The following KRAS variants were observed in gnomAD, a reference collection of about 807,000 sequenced individuals.
KRAS encodes the protein KRas proto-oncogene, GTPase.
KRAS carries 1 observed loss-of-function variant against 21.0 expected under a neutral mutation model. That is an observed-to-expected ratio of 0.05 (90% CI 0.02 to 0.23). The LOEUF (loss-of-function observed/expected upper bound fraction) is 0.23, where lower values mean the gene tolerates loss of function less well. Among genes scored for constraint, KRAS ranks in the 10% least tolerant of loss-of-function variants. The pLI is 1.00. For synonymous variants in KRAS, 67 were observed against 72.5 expected (o/e 0.92, Z 0.39); for missense variants, 107 against 221.8 (o/e 0.48, Z 3.29).
intron 2 of KRAS, among the ~76,000 whole-genome samples, chr12:25,233,433 A>G (rs1951502126): frequency 6.6e-6 from 1 of 152,182 alleles, no homozygotes; most frequent in Admixed American, 6.5e-5. Context: ...GTGTACCTGT[A>G]GTCCCAGCTA....
At chr12:25,248,754 G>A (rs904689730) in intron 1 of KRAS, among the ~76,000 whole-genome samples, 3 of 151,948 alleles carry the variant, frequency 2.0e-5, no homozygotes, top group Admixed American at 2.0e-4. Context: ...AGCTAGTAAG[G>A]AGTGGACTGG....
Position 25,205,372 on chromosome 12 carries a change from A to AAAAG in KRAS, c.*4419_*4422dup, listed in dbSNP as rs1951124027. 4.7e-6 allele frequency: 1 copy of AAAAG among 215,044 alleles called. No individual in the cohort carries two copies. The highest frequency in any genetic ancestry group is 2.3e-5 in the African/African-American group (1 of 44,370). 13.3% of individuals were successfully genotyped at this position (215,044 alleles called of 1,614,324 possible). A position where few individuals can be genotyped will look rare whatever the true frequency, so the allele number is the denominator to read the frequency against. ...AAACATTTAAAAGTTAATTTCAATT[A>AAAAG]AAAGAGTGGTCATTTTTAATGTTTG... is the stretch of plus-strand genomic sequence containing the variant. On this transcript the variant is annotated 3_prime_UTR_variant, in exon 5 of 5. Coordinates refer to ENST00000311936, the MANE Select transcript of KRAS (RefSeq NM_004985.5).
Position 25,246,314 on chromosome 12 carries a change from T to A in KRAS, c.-11-919A>T, listed in dbSNP as rs558956030. Among the ~76,000 whole-genome samples, 50 of 152,292 alleles carry A rather than the reference T, an allele frequency of 3.3e-4. 1 individual carries two copies. Among genetic ancestry groups the A allele is most frequent in the African/African-American group, 1.2e-3 (48 of 41,566 alleles). ...GGCTCATGCCTGTAATCCCAGCACT[T>A]TCAGAGGCCAAGGCGGGTGGATCAC... On this transcript the variant is annotated intron_variant, in intron 1 of 4. Coordinates refer to ENST00000311936, the MANE Select transcript of KRAS (RefSeq NM_004985.5).
chr12:25,246,066 G>T (rs61925870), intron 1 of KRAS, among the ~76,000 whole-genome samples: 2,058 of 151,234 alleles, frequency 0.014, 22 homozygotes, highest in Non-Finnish European at 0.022. Context: ...AATATCTCTG[G>T]GGAAAATAGG....
chr12:25,225,483 G>A, intron 4 of KRAS, 131 bp downstream of exon 4: 1 of 963,338 alleles, frequency 1.0e-6, no homozygotes, highest in Non-Finnish European at 1.6e-6. Flanking sequence ...CCTCTCAAGA[G>A]ACAAAAACAT....
At chr12:25,240,527 T>C (rs1024176209) in intron 2 of KRAS, among the ~76,000 whole-genome samples, 1 of 152,190 alleles carries the variant, frequency 6.6e-6, no homozygotes, top group African/African-American at 2.4e-5. Flanking sequence ...AATCTAGAGA[T>C]ACCTAAAACT....
intron 4 of KRAS, among the ~76,000 whole-genome samples, chr12:25,224,380 C>A (rs1168804393): frequency 6.6e-6 from 1 of 151,442 alleles, no homozygotes; most frequent in Non-Finnish European, 1.5e-5. Context: ...CTGTGTAGGC[C>A]TAGGTTAATG....
chr12:25,230,812 A>G (rs1167776879), intron 2 of KRAS, among the ~76,000 whole-genome samples: 1 of 152,212 alleles, frequency 6.6e-6, no homozygotes, highest in East Asian at 1.9e-4. Flanking sequence ...TTATCTCACC[A>G]GTCAGAAAAA....
At chr12:25,242,925 ACTAT>A (rs1360494884) in intron 2 of KRAS, among the ~76,000 whole-genome samples, 1 of 152,150 alleles carries the variant, frequency 6.6e-6, no homozygotes, top group Non-Finnish European at 1.5e-5. Flanking sequence ...CACCCTCCTT[ACTAT>A]CTCTTAGTGT....
chr12:25,237,757 C>T (rs1592817346), intron 2 of KRAS, among the ~76,000 whole-genome samples: 1 of 152,138 alleles, frequency 6.6e-6, no homozygotes, highest in Non-Finnish European at 1.5e-5. Context: ...ATGAAAATCT[C>T]TTTATAAAAT....
In KRAS at chr12:25,206,241, A is replaced by C. The variant is rs1019797578; in HGVS notation, c.*3554T>G. On this transcript the variant is annotated 3_prime_UTR_variant, in exon 5 of 5. Coordinates refer to ENST00000311936, the MANE Select transcript of KRAS (RefSeq NM_004985.5). Reference sequence around the variant, plus strand: ...GTGACAACAGTTTTGATAACCTATAAAAGTTAGGTTCTAAATTCCTATGCA... The same window carrying C: ...GTGACAACAGTTTTGATAACCTATACAAGTTAGGTTCTAAATTCCTATGCA... 4 of 212,968 alleles carry C rather than the reference A, an allele frequency of 1.9e-5. No homozygotes were observed. The highest frequency in any genetic ancestry group is 9.0e-5 in the African/African-American group (4 of 44,268). 13.2% of individuals were successfully genotyped at this position (212,968 alleles called of 1,614,324 possible).
At chr12:25,235,269 G>C (rs1471555128) in intron 2 of KRAS, 2 of 526,224 alleles carry the variant, frequency 3.8e-6, no homozygotes, top group East Asian at 6.0e-5. Context: ...TAATGCTCAA[G>C]TACTTTACGT....
intron 3 of KRAS, 73 bp downstream of exon 3, chr12:25,227,161 T>C: frequency 9.3e-7 from 1 of 1,076,694 alleles, no homozygotes; most frequent in Admixed American, 2.0e-5. Flanking sequence ...ATGCATGGCA[T>C]TAGCAAAGAC....
At chr12:25,236,150 C>G (rs571755352) in intron 2 of KRAS, among the ~76,000 whole-genome samples, 139 of 152,038 alleles carry the variant, frequency 9.1e-4, no homozygotes, top group Non-Finnish European at 1.9e-3. Flanking sequence ...AGAAGTGAAA[C>G]TGGACAATCA....
intron 2 of KRAS, among the ~76,000 whole-genome samples, chr12:25,242,698 T>C (rs1435264653): frequency 6.6e-6 from 1 of 152,198 alleles, no homozygotes; most frequent in East Asian, 1.9e-4. Flanking sequence ...AGTTCAAATT[T>C]TGGTATACTT....
At chr12:25,215,614 T>C (rs1161419734) in intron 4 of KRAS, 1 of 1,463,260 alleles carries the variant, frequency 6.8e-7, no homozygotes, top group Non-Finnish European at 9.6e-7. Flanking sequence ...AAGAGTAATT[T>C]ACTGGGAAAG....
intron 2 of KRAS, among the ~76,000 whole-genome samples, chr12:25,230,063 C>T (rs571784343): frequency 1.3e-5 from 2 of 152,130 alleles, no homozygotes; most frequent in Non-Finnish European, 1.5e-5. Flanking sequence ...TGAGCCACTG[C>T]GCCCAGCCTC....
At chr12:25,248,223 G>T (rs1005593933) in intron 1 of KRAS, among the ~76,000 whole-genome samples, 2 of 151,986 alleles carry the variant, frequency 1.3e-5, no homozygotes, top group African/African-American at 4.8e-5. Flanking sequence ...CACTTTGGGA[G>T]GCTTAGGCGG....
chr12:25,219,364 A>G (rs560653783), intron 4 of KRAS, among the ~76,000 whole-genome samples: 3 of 152,372 alleles, frequency 2.0e-5, no homozygotes, highest in African/African-American at 7.2e-5. Context: ...CAAGAGATTG[A>G]CAACATTTTC....
Sources: gnomAD v4.1 joint callset for allele counts (sites outside exome capture counted in the v4.1 genomes callset) on GRCh38, gnomAD v4.1.1 for gene constraint, MANE v1.5 for transcripts, NCBI Gene and HGNC (gene_info 2026-07-23, HGNC 2026-07-21) for gene names.